USP28: variants seen among roughly 807,000 people sequenced by gnomAD.
USP28 encodes the protein ubiquitin carboxyl-terminal hydrolase 28.
In USP28, 113 loss-of-function variants were observed where a neutral mutation model predicts 145.0. That is an observed-to-expected ratio of 0.78 (90% CI 0.67 to 0.91). USP28 has a LOEUF of 0.91. USP28 is among the 40% of genes least tolerant of loss of function. The pLI, the probability that USP28 is intolerant of heterozygous loss-of-function variation, is 0.00. For missense variants in USP28, 1,201 were observed against 1,289.6 expected (o/e 0.93, Z 1.05); for synonymous variants, 447 against 450.9 (o/e 0.99, Z 0.11).
intron 21 of USP28, among the ~76,000 whole-genome samples, chr11:113,804,235 C>T (rs776894303): frequency 6.6e-6 from 1 of 152,184 alleles, no homozygotes; most frequent in Non-Finnish European, 1.5e-5. Flanking sequence ...TGGAAGGACA[C>T]GGACATTTCT....
intron 1 of USP28, among the ~76,000 whole-genome samples, chr11:113,870,768 G>C (rs1323110687): frequency 2.0e-5 from 3 of 152,242 alleles, no homozygotes; most frequent in African/African-American, 7.2e-5. Context: ...TCAGCTAAGA[G>C]TTAGTCTTGC....
rs1306215562 is a variant in USP28 at position 113,852,698 on chromosome 11, ATTAACT to A, written c.136-71_136-66del. ...ATAGAATTTAAAACCAGTTTTGAGT[ATTAACT>A]TTATTACCCTGGTGACACACTGAGT... On this transcript the variant is annotated intron_variant, in intron 2 of 24. Coordinates refer to ENST00000003302, the Ensembl canonical transcript of USP28. The A allele has an allele frequency of 1.9e-6, 3 of 1,553,948 alleles. No homozygotes were observed. The Admixed American group carries it at 5.2e-5, about 27-fold the overall frequency.
chr11:113,804,708 T>C (rs1446212500), exon 21 of USP28: 1 of 1,614,210 alleles, frequency 6.2e-7, no homozygotes, highest in South Asian at 1.1e-5. Context: ...TCTGGACCAA[T>C]TTCCTTCAGT....
chr11:113,827,807 A>G (rs73552965), intron 10 of USP28, among the ~76,000 whole-genome samples: 1 of 152,216 alleles, frequency 6.6e-6, no homozygotes, highest in Non-Finnish European at 1.5e-5. Context: ...AAAAAGACTC[A>G]TATGTGTACA....
At position 113,833,474 on chromosome 11, in the gene USP28, CG is replaced by C; in HGVS notation, c.704del (p.Pro235ArgfsTer8). ...CCTTTAATAGATCCAGGGCTGCAGACGGGTCTACAAATTTTCTATTTGATCC... is the reference window on the plus strand; with the variant it reads ...CCTTTAATAGATCCAGGGCTGCAGACGGTCTACAAATTTTCTATTTGATCC... On this transcript the variant is annotated frameshift_variant, in exon 7 of 25. Coordinates refer to ENST00000003302, the Ensembl canonical transcript of USP28. LOFTEE classifies it high-confidence loss of function. 1 of 1,614,174 alleles carries C rather than the reference CG, an allele frequency of 6.2e-7. No homozygotes were observed. Among genetic ancestry groups the C allele is most frequent in the East Asian group, 2.2e-5 (1 of 44,892 alleles).
At chr11:113,827,191 C>T (rs1172464999) in intron 11 of USP28, 42 bp downstream of exon 11, 10 of 1,584,368 alleles carry the variant, frequency 6.3e-6, no homozygotes, top group Non-Finnish European at 7.7e-6. Context: ...ATCTCTACTG[C>T]TGTAATACCT....
chr11:113,799,239 CTTAT>C lies in USP28; in HGVS notation c.3231_3234del (p.Ter1078LeufsTer23). ...AGAATGGGCCTTGAACATGTGGGAG[CTTAT>C]TTCACTGTCACAGTTGAAACTCCCT... On this transcript the variant is annotated frameshift_variant and stop_lost, in exon 25 of 25. Transcript: ENST00000003302. LOFTEE classifies it high-confidence loss of function. 6.2e-7 allele frequency: 1 copy of C among 1,611,890 alleles called. No homozygotes were observed. The highest frequency in any genetic ancestry group is 8.5e-7 in the Non-Finnish European group (1 of 1,179,030).
At chr11:113,801,428 A>C (rs1938992154) in intron 24 of USP28, 55 bp downstream of exon 25, 1 of 1,413,632 alleles carries the variant, frequency 7.1e-7, no homozygotes. Context: ...AAGTGAGAAC[A>C]CTGAAATTTC....
rs770164039 is a variant in USP28, at chr11:113,806,486, T to C, written c.2400+3A>G. The C allele has an allele frequency of 1.9e-6, 3 of 1,609,312 alleles. No individual in the cohort carries two copies. In the South Asian group the frequency reaches 3.3e-5, roughly 18 times the overall value. On this transcript the variant is annotated splice_donor_region_variant and intron_variant, in intron 19 of 24. Transcript: ENST00000003302. ...AGAATTAGAATTTTAAAAACAGAGA[T>C]ACCTTAATCAGCCCTGCTTCAGACC...
At chr11:113,817,427 A>C (rs987777282) in intron 13 of USP28, among the ~76,000 whole-genome samples, 5 of 152,148 alleles carry the variant, frequency 3.3e-5, no homozygotes, top group African/African-American at 1.2e-4. Context: ...CACTATCCTG[A>C]ACAGTTTGAG....
intron 11 of USP28, among the ~76,000 whole-genome samples, chr11:113,826,767 A>T (rs983585008): frequency 5.3e-5 from 8 of 151,846 alleles, no homozygotes; most frequent in African/African-American, 1.9e-4. Context: ...TAAAAATATA[A>T]AATTAGCCGG....
chr11:113,807,427 G>A (rs1431181023), intron 18 of USP28, among the ~76,000 whole-genome samples: 6 of 151,982 alleles, frequency 3.9e-5, no homozygotes, highest in South Asian at 2.1e-4. Flanking sequence ...AGAAATCTGA[G>A]AGAGACAGAA....
intron 3 of USP28, among the ~76,000 whole-genome samples, chr11:113,849,685 C>A (rs1440620055): frequency 6.6e-6 from 1 of 152,158 alleles, no homozygotes; most frequent in Non-Finnish European, 1.5e-5. Flanking sequence ...TGGGCTGAGT[C>A]TAGACATGTT....
chr11:113,817,764 T>G, exon 13 of USP28: 2 of 1,614,226 alleles, frequency 1.2e-6, no homozygotes, highest in Non-Finnish European at 1.7e-6. Flanking sequence ...GGTTTTGTAC[T>G]AGCAAATTCA....
At chr11:113,804,368 T>C (rs1939573466) in intron 21 of USP28, among the ~76,000 whole-genome samples, 1 of 152,226 alleles carries the variant, frequency 6.6e-6, no homozygotes, top group Non-Finnish European at 1.5e-5. Flanking sequence ...TGCGTATTTT[T>C]AAAACTTTAT....
At chr11:113,842,754 T>C (rs1423515239) in intron 3 of USP28, among the ~76,000 whole-genome samples, 1 of 151,478 alleles carries the variant, frequency 6.6e-6, no homozygotes, top group African/African-American at 2.4e-5. Context: ...GGATAAAAAC[T>C]CAAAGCCAAC....
rs944482753 is a variant in USP28 at position 113,806,650 on chromosome 11, G to A, written c.2305-66C>T. 10 of 1,192,268 alleles carry A rather than the reference G, an allele frequency of 8.4e-6. No individual in the cohort carries two copies. The Admixed American group carries it at 1.5e-4, about 18-fold the overall frequency. The allele number at this position is 1,192,268 out of a possible 1,614,324, so 73.9% of individuals were successfully genotyped here. A position where few individuals can be genotyped will look rare whatever the true frequency, so the allele number is the denominator to read the frequency against. ...AGAAAGGTTCAGCAGAAGACTGTAT[G>A]AAAGCAGGCTGAACAGAGTGCTAAA... On this transcript the variant is annotated intron_variant, in intron 18 of 24. Transcript: ENST00000003302.
At chr11:113,805,132 C>T in intron 19 of USP28, 86 bp from the exon 21 acceptor site, 2 of 1,241,920 alleles carry the variant, frequency 1.6e-6, no homozygotes, top group Non-Finnish European at 2.2e-6. Flanking sequence ...TAGGCAGTCT[C>T]TTGACTCTAA....
intron 1 of USP28, among the ~76,000 whole-genome samples, chr11:113,858,750 T>C (rs11214745): frequency 0.52 from 79,048 of 152,058 alleles, 21,419 homozygotes; most frequent in Non-Finnish European, 0.6. Context: ...GCTGGGATTA[T>C]AGGCACCCAC....
Sources: allele counts gnomAD v4.1 joint callset (sites outside exome capture counted in the v4.1 genomes callset), GRCh38; gene constraint gnomAD v4.1.1; transcripts MANE v1.5; gene names NCBI Gene and HGNC (gene_info 2026-07-23, HGNC 2026-07-21).